Variants in ST3GAL2 observed in about 807,000 individuals in gnomAD.
The protein encoded by ST3GAL2 is ST3 beta-galactoside alpha-2,3-sialyltransferase 2.
Under a neutral mutation model 37.5 loss-of-function variants are expected in ST3GAL2, and 16 were observed. That is an observed-to-expected ratio of 0.43 (90% CI 0.29 to 0.65). The LOEUF is 0.65. Among genes scored for constraint, ST3GAL2 ranks in the 30% least tolerant of loss-of-function variants. The pLI is 0.17. For synonymous variants in ST3GAL2, 238 were observed against 202.9 expected (o/e 1.17, Z -1.47); for missense variants, 383 against 487.8 (o/e 0.79, Z 2.02).
At chr16:70,412,859 C>T (rs1255688319) in intron 1 of ST3GAL2, among the ~76,000 whole-genome samples, 1 of 151,864 alleles carries the variant, frequency 6.6e-6, no homozygotes, top group Non-Finnish European at 1.5e-5. Flanking sequence ...CCAGCTTAGG[C>T]AACATGGCAA....
intron 1 of ST3GAL2, among the ~76,000 whole-genome samples, chr16:70,414,713 T>C (rs1469717945): frequency 2.0e-5 from 3 of 152,116 alleles, no homozygotes; most frequent in Non-Finnish European, 4.4e-5. Flanking sequence ...CACTCTGTCA[T>C]CCAGGCTGTA....
chr16:70,394,655 G>A (rs896898642), intron 3 of ST3GAL2, among the ~76,000 whole-genome samples: 1 of 152,170 alleles, frequency 6.6e-6, no homozygotes, highest in Non-Finnish European at 1.5e-5. Context: ...TGGAATTACA[G>A]GTGTGAACCA....
Position 70,398,410 on chromosome 16 carries a change from C to A in ST3GAL2, c.121G>T (p.Ala41Ser). 1 of 1,613,718 alleles carries A rather than the reference C, an allele frequency of 6.2e-7. No homozygotes were observed. The highest frequency in any genetic ancestry group is 8.5e-7 in the Non-Finnish European group (1 of 1,180,008). Residue 41 changes from alanine to serine, a missense_variant, in exon 2 of 7, where the codon GCC (alanine) becomes TCC (serine). By Grantham distance (99) the Ala-to-Ser change is moderately conservative (BLOSUM62 1). This residue lies in a region of ST3GAL2 where 223 missense variants were observed against 239.1 expected (regional missense o/e 0.93). Transcript: ENST00000342907. Reference sequence around the variant, plus strand: ...TTCACCCGGTGCGTCCCATCCAGGGCCCCTGAGTCCAGGTAGGGGAGCGTG... The same window carrying A: ...TTCACCCGGTGCGTCCCATCCAGGGACCCTGAGTCCAGGTAGGGGAGCGTG... ...MATLPYLDSG[A>S]LDGTHRVKLV...
chr16:70,419,027 G>A (rs569423189), intron 1 of ST3GAL2, among the ~76,000 whole-genome samples: 78 of 152,290 alleles, frequency 5.1e-4, no homozygotes, highest in Admixed American at 4.3e-3. Flanking sequence ...GGCAGGGAGG[G>A]CAGGGCATTC....
chr16:70,387,138 C>T (rs934673511), intron 4 of ST3GAL2, among the ~76,000 whole-genome samples: 4 of 152,100 alleles, frequency 2.6e-5, no homozygotes, highest in African/African-American at 7.2e-5. Context: ...TGCCTGTGAT[C>T]CCAGCTACTC....
rs1017023916 is a variant in ST3GAL2 at position 70,379,104 on chromosome 16, C to A, written c.*2585G>T. ...CAGAGGGGAAAACCTGACTTAGATG[C>A]ACTTCCCTGAGAGGTGGGGACAGCC... On this transcript the variant is annotated 3_prime_UTR_variant, in exon 7 of 7. Coordinates refer to ENST00000342907, the MANE Select transcript of ST3GAL2 (RefSeq NM_006927.4). The A allele has an allele frequency of 2.6e-5, 4 of 152,216 alleles. No individual in the cohort carries two copies. Among genetic ancestry groups the A allele is most frequent in the African/African-American group, 7.2e-5 (3 of 41,440 alleles). The allele number at this position is 152,216 out of a possible 1,614,324, so 9.4% of individuals were successfully genotyped here. A position where few individuals can be genotyped will look rare whatever the true frequency, so the allele number is the denominator to read the frequency against.
chr16:70,390,154 A>C (rs1436533885), intron 3 of ST3GAL2, among the ~76,000 whole-genome samples: 1 of 152,184 alleles, frequency 6.6e-6, no homozygotes, highest in Non-Finnish European at 1.5e-5. Flanking sequence ...GGCTCACTGC[A>C]GCCTCGACCT....
chr16:70,381,586 C>A lies in ST3GAL2; in HGVS notation c.*103G>T, dbSNP rs2047405238. On this transcript the variant is annotated 3_prime_UTR_variant, in exon 7 of 7. Coordinates refer to ENST00000342907, the MANE Select transcript of ST3GAL2 (RefSeq NM_006927.4). ...GTGATTGGCGGGGCACAGCAGACGCCCCTGGGCTGCAGCATGATTGGTCGC... is the reference window on the plus strand; with the variant it reads ...GTGATTGGCGGGGCACAGCAGACGCACCTGGGCTGCAGCATGATTGGTCGC... The A allele has an allele frequency of 2.1e-6, 3 of 1,418,220 alleles. No individual in the cohort carries two copies. Among genetic ancestry groups the A allele is most frequent in the Non-Finnish European group, 2.8e-6 (3 of 1,055,410 alleles). 87.9% of individuals were successfully genotyped at this position (1,418,220 alleles called of 1,614,324 possible).
intron 1 of ST3GAL2, among the ~76,000 whole-genome samples, chr16:70,410,810 T>G (rs1325527975): frequency 6.8e-5 from 3 of 44,222 alleles, no homozygotes; most frequent in Middle Eastern, 9.1e-3. Flanking sequence ...TAGATCCTGT[T>G]TTTTTTTTTT....
intron 1 of ST3GAL2, among the ~76,000 whole-genome samples, chr16:70,417,056 C>T (rs866394494): frequency 4.6e-5 from 7 of 152,226 alleles, no homozygotes; most frequent in Non-Finnish European, 1.0e-4. Context: ...GGGTTTGCCA[C>T]TTGTCAGCTA....
intron 3 of ST3GAL2, among the ~76,000 whole-genome samples, chr16:70,391,608 C>A (rs1300156052): frequency 6.6e-6 from 1 of 152,182 alleles, no homozygotes; most frequent in Non-Finnish European, 1.5e-5. Flanking sequence ...CTGTGAGGAA[C>A]AGATCAGTTG....
chr16:70,402,283 C>CAAAAA (rs1042560583), intron 1 of ST3GAL2, among the ~76,000 whole-genome samples: 75 of 40,498 alleles, frequency 1.9e-3, no homozygotes, highest in East Asian at 2.2e-3. Context: ...AACTATTTCT[C>CAAAAA]AAAAAAAAAA....
rs1451710385 is a variant in ST3GAL2, at chr16:70,378,500, G to A, written c.*3189C>T. The A allele has an allele frequency of 6.9e-6, 1 of 145,050 alleles. No individual in the cohort carries two copies. The highest frequency in any genetic ancestry group is 2.6e-5 in the African/African-American group (1 of 38,802). The allele number at this position is 145,050 out of a possible 1,614,324, so 9.0% of individuals were successfully genotyped here. A position where few individuals can be genotyped will look rare whatever the true frequency, so the allele number is the denominator to read the frequency against. On this transcript the variant is annotated 3_prime_UTR_variant, in exon 7 of 7. Coordinates refer to ENST00000342907, the MANE Select transcript of ST3GAL2 (RefSeq NM_006927.4). ...CGGGGAGATCACGAGGTCAGGAGAT[G>A]GAGACCATCCTGGCTAACAGTGAAA...
chr16:70,390,164 T>C (rs1490412272), intron 3 of ST3GAL2, among the ~76,000 whole-genome samples: 1 of 152,156 alleles, frequency 6.6e-6, no homozygotes, highest in Non-Finnish European at 1.5e-5. Context: ...AGCCTCGACC[T>C]CCTGGGTTCA....
intron 1 of ST3GAL2, among the ~76,000 whole-genome samples, chr16:70,429,413 G>A (rs908082896): frequency 1.3e-5 from 2 of 151,968 alleles, no homozygotes; most frequent in African/African-American, 4.8e-5. Flanking sequence ...CTAACACGGT[G>A]AAACACCGTC....
At chr16:70,404,984 G>C (rs1174563002) in intron 1 of ST3GAL2, among the ~76,000 whole-genome samples, 2 of 147,234 alleles carry the variant, frequency 1.4e-5, no homozygotes, top group African/African-American at 5.0e-5. Flanking sequence ...AGTGAGCCGA[G>C]ATCGCACCAC....
In ST3GAL2 at chr16:70,395,167, C is replaced by T; in HGVS notation, c.348G>A (p.Gln116=). ...PDVQRWWMML[Q]PQFKSHNTNE... ...TGGTGTTGTGTGACTTGAACTGGGG[C>T]TGCAGCATCTGTGGAAGGGAGGGGA... Residue 116 remains glutamine, a synonymous_variant, in exon 3 of 7, where the codon CAG becomes CAA. Transcript: ENST00000342907. 1.3e-6 allele frequency: 2 copies of T among 1,597,702 alleles called. No individual in the cohort carries two copies. Among genetic ancestry groups the T allele is most frequent in the Non-Finnish European group, 1.7e-6 (2 of 1,171,006 alleles).
rs986805218 is a variant in ST3GAL2, at chr16:70,435,775, CAA to C, written c.-1004+3172_-1004+3173del. On this transcript the variant is annotated intron_variant, in intron 1 of 6. Transcript: ENST00000342907. ...CGCCATTGCACTCCAGCCTGGGCAA[CAA>C]GAGGGAAACCTCGTCTCAAAATAAA... 6.0e-5 allele frequency among the ~76,000 whole-genome samples: 9 copies of C among 149,912 alleles called. No homozygotes were observed. The South Asian group carries it at 6.3e-4, about 10-fold the overall frequency.
rs1421117151 is a variant in ST3GAL2, at chr16:70,398,998, C to T, written c.-468G>A. ...CCTCGTTCCCGGCAGCGGGGAAGCC[C>T]TAGAACTCCAATCACAACAGAGAGC... is the stretch of plus-strand genomic sequence containing the variant. On this transcript the variant is annotated 5_prime_UTR_variant, in exon 2 of 7. Transcript: ENST00000342907. The T allele has an allele frequency of 2.4e-6, 1 of 416,342 alleles. No individual in the cohort carries two copies. The highest frequency in any genetic ancestry group is 2.0e-5 in the African/African-American group (1 of 49,040). The allele number at this position is 416,342 out of a possible 1,614,324, so 25.8% of individuals were successfully genotyped here. A position where few individuals can be genotyped will look rare whatever the true frequency, so the allele number is the denominator to read the frequency against.
Sources: allele counts gnomAD v4.1 joint callset (sites outside exome capture counted in the v4.1 genomes callset), GRCh38; gene constraint gnomAD v4.1.1; regional missense constraint gnomAD v4.1.1; transcripts MANE v1.5; gene names NCBI Gene and HGNC (gene_info 2026-07-23, HGNC 2026-07-21).